Variants in SCHIP1 observed in about 807,000 individuals in gnomAD.
The protein encoded by SCHIP1 is schwannomin interacting protein 1.
SCHIP1 carries 8 observed loss-of-function variants against 29.7 expected under a neutral mutation model. That is an observed-to-expected ratio of 0.27 (90% CI 0.16 to 0.49). SCHIP1 has a LOEUF of 0.49. Ranked by LOEUF, SCHIP1 falls within the 20% of genes least tolerant of loss-of-function variation. SCHIP1 has a pLI of 0.99. For synonymous variants in SCHIP1, 76 were observed against 94.9 expected, an observed-to-expected ratio of 0.80 and a Z score of 1.16; for missense variants, 193 against 294.6, an observed-to-expected ratio of 0.66 and a Z score of 2.52.
chr3:159,538,206 G>C, the SCHIP1 span, among the ~76,000 whole-genome samples: 3 of 151,868 alleles, frequency 2.0e-5, no homozygotes, highest in African/African-American at 7.3e-5. Context: ...TAAGAAAAGT[G>C]GGGGAGAAGT....
At chr3:159,752,941 T>C in the SCHIP1 span, among the ~76,000 whole-genome samples, 1 of 152,198 alleles carries the variant, frequency 6.6e-6, no homozygotes, top group Non-Finnish European at 1.5e-5. Context: ...ACATTTGAGG[T>C]TGAAGCTAAT....
At chr3:159,713,663 T>C in the SCHIP1 span, among the ~76,000 whole-genome samples, 8 of 152,316 alleles carry the variant, frequency 5.3e-5, no homozygotes, top group East Asian at 9.7e-4. Context: ...ATCCTTTGAT[T>C]CAGGGGGTCT....
At chr3:159,478,496 T>C in the SCHIP1 span, among the ~76,000 whole-genome samples, 1 of 152,170 alleles carries the variant, frequency 6.6e-6, no homozygotes, top group African/African-American at 2.4e-5. Context: ...CTATAATATG[T>C]TTTAAAATCA....
intron 1 of SCHIP1, among the ~76,000 whole-genome samples, chr3:159,859,964 A>G (rs1005599839): frequency 6.9e-6 from 1 of 145,314 alleles, no homozygotes; most frequent in Non-Finnish European, 1.5e-5. Context: ...GGCTTAAAGA[A>G]ATGTGTGACA....
At chr3:159,284,403 G>C in the SCHIP1 span, among the ~76,000 whole-genome samples, 1 of 151,920 alleles carries the variant, frequency 6.6e-6, no homozygotes, top group Non-Finnish European at 1.5e-5. Flanking sequence ...ATAAGAATCA[G>C]CTATTGTGTT....
chr3:159,360,419 C>T, the SCHIP1 span, among the ~76,000 whole-genome samples: 1 of 152,168 alleles, frequency 6.6e-6, no homozygotes, highest in Non-Finnish European at 1.5e-5. Flanking sequence ...TTCCTTGTGT[C>T]TATCCTTTGT....
At chr3:159,415,216 A>G in the SCHIP1 span, among the ~76,000 whole-genome samples, 2 of 14,084 alleles carry the variant, frequency 1.4e-4, no homozygotes, top group African/African-American at 7.9e-4. Context: ...CTTAATAGCA[A>G]CATGACTTTG....
chr3:159,881,692 T>C, intron 2 of SCHIP1, among the ~76,000 whole-genome samples: 1 of 152,212 alleles, frequency 6.6e-6, no homozygotes, highest in African/African-American at 2.4e-5. Flanking sequence ...TGTAGCCTCT[T>C]GCTTCGTGAC....
chr3:159,599,152 A>G, the SCHIP1 span, among the ~76,000 whole-genome samples: 1 of 152,092 alleles, frequency 6.6e-6, no homozygotes, highest in Non-Finnish European at 1.5e-5. Context: ...CAGCCATTCT[A>G]TATCTTTTAA....
At chr3:159,838,154 G>C (rs1460401636), upstream of SCHIP1, among the ~76,000 whole-genome samples, 1 of 152,192 alleles carries the variant, frequency 6.6e-6, no homozygotes, top group Non-Finnish European at 1.5e-5. Flanking sequence ...GTGTGCTTGT[G>C]AGTGCGTCAA....
At chr3:159,387,929 T>C in the SCHIP1 span, among the ~76,000 whole-genome samples, 1 of 152,134 alleles carries the variant, frequency 6.6e-6, no homozygotes, top group South Asian at 2.1e-4. Context: ...GTTATCTCAA[T>C]AGTTGCCATT....
At chr3:159,722,220 T>C in the SCHIP1 span, 5 of 190,130 alleles carry the variant, frequency 2.6e-5, no homozygotes, top group Admixed American at 6.1e-5. Flanking sequence ...TAGAGTGGTC[T>C]CTTCTTGTAC....
chr3:159,379,486 G>T, the SCHIP1 span, among the ~76,000 whole-genome samples: 2 of 152,194 alleles, frequency 1.3e-5, no homozygotes. Context: ...GCCTCCCAAA[G>T]TGCTGGGATA....
the SCHIP1 span, among the ~76,000 whole-genome samples, chr3:159,562,054 T>G: frequency 6.6e-6 from 1 of 152,214 alleles, no homozygotes; most frequent in Non-Finnish European, 1.5e-5. Context: ...TTGCATTTCC[T>G]GAGGTAGAGT....
At chr3:159,605,218 T>A in the SCHIP1 span, among the ~76,000 whole-genome samples, 50 of 152,228 alleles carry the variant, frequency 3.3e-4, no homozygotes, top group African/African-American at 9.6e-4. Flanking sequence ...ATAATAAATG[T>A]AGGGCTTCAG....
chr3:159,687,461 AG>A, the SCHIP1 span, among the ~76,000 whole-genome samples: 46 of 152,298 alleles, frequency 3.0e-4, no homozygotes, highest in East Asian at 8.7e-3. Flanking sequence ...TGAGACCTGC[AG>A]GCTTTGTTTT....
the SCHIP1 span, among the ~76,000 whole-genome samples, chr3:159,539,498 T>A: frequency 7.3e-6 from 1 of 136,354 alleles, no homozygotes; most frequent in Admixed American, 7.4e-5. Context: ...AAGGAACCGC[T>A]GGATGTTAGT....
At chr3:159,398,146 C>A in the SCHIP1 span, among the ~76,000 whole-genome samples, 1 of 152,176 alleles carries the variant, frequency 6.6e-6, no homozygotes, top group African/African-American at 2.4e-5. Context: ...TGACCCTTTG[C>A]GCTTCCCGAG....
the SCHIP1 span, among the ~76,000 whole-genome samples, chr3:159,284,491 T>G: frequency 6.6e-6 from 1 of 152,082 alleles, no homozygotes; most frequent in Non-Finnish European, 1.5e-5. Context: ...CTTTAGGTGT[T>G]TTGTTTTGTT....
Sources: allele counts gnomAD v4.1 joint callset (sites outside exome capture counted in the v4.1 genomes callset), GRCh38; gene constraint gnomAD v4.1.1; transcripts MANE v1.5; gene names NCBI Gene and HGNC (gene_info 2026-07-23, HGNC 2026-07-21).